The following SSPN variants were observed in gnomAD, a reference collection of about 807,000 sequenced individuals.
SSPN encodes the protein K-ras oncogene-associated protein.
SSPN carries 15 observed loss-of-function variants against 19.1 expected under a neutral mutation model. That is an observed-to-expected ratio of 0.78 (90% CI 0.52 to 1.21). The LOEUF (loss-of-function observed/expected upper bound fraction) is 1.21, where lower values mean the gene tolerates loss of function less well. SSPN is among the 50% of genes most tolerant of loss of function. The pLI, the probability that SSPN is intolerant of heterozygous loss-of-function variation, is 0.00. For synonymous variants in SSPN, 147 were observed against 140.3 expected (o/e 1.05, Z -0.34); for missense variants, 291 against 314.0 (o/e 0.93, Z 0.55).
In SSPN at chr12:26,233,331, G is replaced by GATCTATATATATAT. The variant is rs1945254242; in HGVS notation, c.*2257_*2258insCTATATATATATAT. The GATCTATATATATAT allele has an allele frequency of 6.9e-6, 1 of 144,696 alleles. No homozygotes were observed. The highest frequency in any genetic ancestry group is 2.7e-5 in the African/African-American group (1 of 36,616). The allele number at this position is 144,696 out of a possible 1,614,324, so 9.0% of individuals were successfully genotyped here. On this transcript the variant is annotated 3_prime_UTR_variant, in exon 3 of 3. Transcript: ENST00000242729. The surrounding 1 kb of genome is among the most constrained non-coding windows in gnomAD (Gnocchi z 4.3). ...CTTTATAATAGTATAACCGTCAGGA[G>GATCTATATATATAT]ATATATATATATATATATACACATA...
intron 2 of SSPN, among the ~76,000 whole-genome samples, chr12:26,227,765 C>A (rs1434741768): frequency 6.6e-6 from 1 of 152,148 alleles, no homozygotes; most frequent in Non-Finnish European, 1.5e-5. Context: ...GATCATCATG[C>A]CAAGTTTACA....
intron 1 of SSPN, among the ~76,000 whole-genome samples, chr12:26,201,412 A>G (rs1944884475): frequency 6.6e-6 from 1 of 152,012 alleles, no homozygotes; most frequent in African/African-American, 2.4e-5. Context: ...GAATTTGGCG[A>G]AATGTTTCCT....
chr12:26,164,704 C>T (rs923111685), intron 1 of SSPN, among the ~76,000 whole-genome samples: 11 of 152,048 alleles, frequency 7.2e-5, no homozygotes, highest in Admixed American at 1.3e-4. Flanking sequence ...TTTTCTTTTC[C>T]TTCTAGTTAT....
chr12:26,123,732 G>A, intron 1 of SSPN: 1 of 1,612,238 alleles, frequency 6.2e-7, no homozygotes. Context: ...TTCTCCAGAT[G>A]TCCCAGAGTC....
At chr12:26,127,131 G>A (rs774844629) in intron 1 of SSPN, among the ~76,000 whole-genome samples, 7 of 152,208 alleles carry the variant, frequency 4.6e-5, no homozygotes, top group Non-Finnish European at 8.8e-5. Flanking sequence ...GGAGTAGAAA[G>A]GGGATGTAAA....
intron 1 of SSPN, among the ~76,000 whole-genome samples, chr12:26,178,224 C>G (rs1229297230): frequency 6.6e-6 from 1 of 152,196 alleles, no homozygotes; most frequent in Admixed American, 6.5e-5. Flanking sequence ...GTTGTTCAGA[C>G]TTGGCTTCAC....
chr12:26,188,977 G>C (rs1944771013), intron 1 of SSPN, among the ~76,000 whole-genome samples: 1 of 152,088 alleles, frequency 6.6e-6, no homozygotes, highest in African/African-American at 2.4e-5. Context: ...AATGTAAGTG[G>C]AAAGGGCACT....
At chr12:26,201,150 G>C (rs1375426425) in intron 1 of SSPN, among the ~76,000 whole-genome samples, 1 of 150,410 alleles carries the variant, frequency 6.6e-6, no homozygotes, top group East Asian at 2.0e-4. Flanking sequence ...GCCAAGGCAG[G>C]CAAATTGCAT....
intron 1 of SSPN, among the ~76,000 whole-genome samples, chr12:26,178,945 G>C (rs1238039777): frequency 6.6e-6 from 1 of 152,178 alleles, no homozygotes; most frequent in African/African-American, 2.4e-5. Context: ...GTCTATGCTG[G>C]GGGGTACAGC....
chr12:26,215,176 T>C (rs1945033732), intron 1 of SSPN, among the ~76,000 whole-genome samples: 1 of 152,208 alleles, frequency 6.6e-6, no homozygotes, highest in South Asian at 2.1e-4. Flanking sequence ...CTAAATTCTG[T>C]TGGAGAGTGA....
chr12:26,131,583 G>A (rs1408387651), intron 1 of SSPN, among the ~76,000 whole-genome samples: 1 of 152,232 alleles, frequency 6.6e-6, no homozygotes, highest in African/African-American at 2.4e-5. Flanking sequence ...AAGATTGTGG[G>A]AGGGCTATGC....
chr12:26,197,236 T>C (rs1050099814), intron 1 of SSPN, among the ~76,000 whole-genome samples: 3 of 152,228 alleles, frequency 2.0e-5, no homozygotes, highest in Admixed American at 6.5e-5. Context: ...TAGAGAGACC[T>C]GATATATATG....
chr12:26,141,385 C>T (rs879896985), intron 1 of SSPN, among the ~76,000 whole-genome samples: 1 of 152,208 alleles, frequency 6.6e-6, no homozygotes, highest in South Asian at 2.1e-4. Flanking sequence ...CCCTTGCAAA[C>T]ATCTTGAGTT....
At position 26,174,507 on chromosome 12, in the gene SSPN, T is replaced by TCCTTCCTTCCTTCCTTCCCTTC. The variant is rs1555177715; in HGVS notation, c.-30-49768_-30-49767insCTTCCCTTCCTTCCTTCCTTCC. Among the ~76,000 whole-genome samples, 311 of 116,818 alleles carry TCCTTCCTTCCTTCCTTCCCTTC rather than the reference T, an allele frequency of 2.7e-3. 8 individuals are homozygous for TCCTTCCTTCCTTCCTTCCCTTC. The highest frequency in any genetic ancestry group is 0.011 in the African/African-American group (279 of 24,284). 76.6% of individuals were successfully genotyped at this position (116,818 alleles called of 152,430 possible). ...TCCTTCCTTCCTTCCTTCCTTCCCT[T>TCCTTCCTTCCTTCCTTCCCTTC]CCTTCCTTCCTTCCTTCCTTCCTTT... On this transcript the variant is annotated intron_variant, in intron 1 of 2. Coordinates refer to the SSPN transcript ENST00000538142.
In SSPN at chr12:26,195,674, TGGGCAAGAACAA is replaced by T. The variant is rs1016899329; in HGVS notation, c.4_15del (p.GlyLysAsnLys2_?5). The T allele has an allele frequency of 1.5e-5, 4 of 261,364 alleles. No individual in the cohort carries two copies. The highest frequency in any genetic ancestry group is 6.5e-5 in the South Asian group (1 of 15,374). The allele number at this position is 261,364 out of a possible 1,614,324, so 16.2% of individuals were successfully genotyped here. ...CCACCCACCCAGCCTCGCAGCGCCA[TGGGCAAGAACAA>T]GCAGCCACGCGGCCAGCAGAGGCAG... is the stretch of plus-strand genomic sequence containing the variant. On this transcript the variant is annotated start_lost and inframe_deletion, in exon 1 of 3. Coordinates refer to ENST00000242729, the MANE Select transcript of SSPN (RefSeq NM_005086.5).
intron 1 of SSPN, among the ~76,000 whole-genome samples, chr12:26,176,296 A>G (rs1944683483): frequency 1.3e-5 from 2 of 152,256 alleles, no homozygotes; most frequent in African/African-American, 2.4e-5. Flanking sequence ...TTATAGATAG[A>G]AGACTCATAA....
intron 1 of SSPN, among the ~76,000 whole-genome samples, chr12:26,153,348 GTATT>G (rs1366294068): frequency 2.0e-5 from 3 of 152,130 alleles, no homozygotes; most frequent in African/African-American, 7.2e-5. Context: ...TTTTATTGAA[GTATT>G]ATTATAATCT....
At chr12:26,159,172 G>A (rs1944573038) in intron 1 of SSPN, among the ~76,000 whole-genome samples, 1 of 152,218 alleles carries the variant, frequency 6.6e-6, no homozygotes, top group South Asian at 2.1e-4. Flanking sequence ...GCCATGGGTT[G>A]TGACAGATTG....
At position 26,185,181 on chromosome 12, in the gene SSPN, G is replaced by A. The variant is rs373831165; in HGVS notation, c.-30-39112G>A. Among the ~76,000 whole-genome samples, 181 of 152,260 alleles carry A rather than the reference G, an allele frequency of 1.2e-3. 2 individuals carry two copies. In the South Asian group the frequency reaches 0.037, roughly 31 times the overall value. On this transcript the variant is annotated intron_variant, in intron 1 of 2. Coordinates refer to the SSPN transcript ENST00000538142. ...CATGATGTAGTCAATATCTCAGTAT[G>A]GGCTGCCTGTATAGCATTCTTTCTT...
Sources: gnomAD v4.1 joint callset for allele counts (sites outside exome capture counted in the v4.1 genomes callset) on GRCh38, gnomAD v4.1.1 for gene constraint, Gnocchi (gnomAD v3.1) non-coding constraint, MANE v1.5 for transcripts, NCBI Gene and HGNC (gene_info 2026-07-23, HGNC 2026-07-21) for gene names.